Variants in DOT1L observed in about 807,000 individuals in gnomAD.
The protein encoded by DOT1L is DOT1 like histone lysine methyltransferase.
DOT1L carries 33 observed loss-of-function variants against 153.3 expected under a neutral mutation model. The ratio of observed to expected loss-of-function variants is 0.22; its 90% CI spans 0.16 to 0.29. DOT1L has a LOEUF of 0.29. DOT1L is among the 10% of genes least tolerant of loss of function. DOT1L has a pLI of 1.00. For missense variants in DOT1L, 1,847 were observed against 2,119.9 expected (o/e 0.87, Z 2.53); for synonymous variants, 1,135 against 965.1 (o/e 1.18, Z -3.26).
intron 2 of DOT1L, among the ~76,000 whole-genome samples, chr19:2,185,068 T>G (rs1300217078): frequency 2.0e-5 from 3 of 152,142 alleles, no homozygotes; most frequent in Non-Finnish European, 4.4e-5. Context: ...CCAGTGTGTT[T>G]TTGTATTTTG....
intron 8 of DOT1L, among the ~76,000 whole-genome samples, chr19:2,202,474 C>T (rs77521427): frequency 0.01 from 1,540 of 152,348 alleles, 30 homozygotes; most frequent in African/African-American, 0.035. Flanking sequence ...GACTTGGTCA[C>T]GAATCCTGCC....
chr19:2,223,011 T>C (rs935838019), intron 24 of DOT1L: 31 of 509,740 alleles, frequency 6.1e-5, no homozygotes, highest in African/African-American at 5.3e-4. Context: ...CGGAGTGCGA[T>C]GCGCTGCCTG....
chr19:2,212,053 C>G lies in DOT1L; in HGVS notation c.1557+211C>G. On this transcript the variant is annotated intron_variant, in intron 16 of 27. Transcript: ENST00000398665. ...AAACAGCGAAAATGAGACTTTTAATCATGGTTTTGCAAGACCTGGTGTCTG... is the reference window on the plus strand; with the variant it reads ...AAACAGCGAAAATGAGACTTTTAATGATGGTTTTGCAAGACCTGGTGTCTG... 4 of 552,732 alleles carry G rather than the reference C, an allele frequency of 7.2e-6. No homozygotes were observed. The South Asian group carries it at 8.7e-5, about 12-fold the overall frequency. The allele number at this position is 552,732 out of a possible 1,614,324, so 34.2% of individuals were successfully genotyped here.
At position 2,217,061 on chromosome 19, in the gene DOT1L, C is replaced by A; in HGVS notation, c.2515C>A (p.Gln839Lys). ...GCGGCCCCTGTCCCCTGGGGCCTTG[C>A]AGCTTGCTGGAGAGAAGAGCAGTGA... ...DPRPLSPGAL[Q>K]LAGEKSSEKG... The change falls in exon 21 of 28, where the codon CAG becomes AAG. Residue 839 changes from glutamine to lysine, a missense_variant. Around this residue, in one of 8 missense-constraint regions of DOT1L, gnomAD observed 281 missense variants for 263.6 expected, o/e 1.07. Coordinates refer to ENST00000398665, the MANE Select transcript of DOT1L (RefSeq NM_032482.3). This position sits in a 1 kb window ranked among gnomAD's most constrained non-coding sequence, Gnocchi z 7.3. 6.2e-7 allele frequency: 1 copy of A among 1,610,102 alleles called. No individual in the cohort carries two copies. The highest frequency in any genetic ancestry group is 8.5e-7 in the Non-Finnish European group (1 of 1,178,072).
rs771741180 is a variant in DOT1L, at chr19:2,216,263, C to T, written c.1924-18C>T. Reference sequence around the variant, plus strand: ...GTCCCCCGGTGGGGCGGGCCTGACACCATCTCTCCTCCTGCAGATCAGCAT... The same window carrying T: ...GTCCCCCGGTGGGGCGGGCCTGACATCATCTCTCCTCCTGCAGATCAGCAT... On this transcript the variant is annotated intron_variant, in intron 19 of 27. Transcript: ENST00000398665. 6.4e-6 allele frequency: 10 copies of T among 1,551,268 alleles called. No homozygotes were observed. Among genetic ancestry groups the T allele is most frequent in the Non-Finnish European group, 8.7e-6 (10 of 1,143,434 alleles).
In DOT1L at chr19:2,165,229, TG is replaced by T. The variant is rs774344301; in HGVS notation, c.81+970del. 3.3e-5 allele frequency among the ~76,000 whole-genome samples: 5 copies of T among 152,106 alleles called. No homozygotes were observed. The East Asian group carries it at 5.8e-4, about 18-fold the overall frequency. On this transcript the variant is annotated intron_variant, in intron 1 of 27. Transcript: ENST00000398665. Reference sequence around the variant, plus strand: ...GCGAGCGTGTCCGGGGCGCGAGTTTTGGGGGGCGCGTCTGCAGGGCCCGGCC... The same window carrying T: ...GCGAGCGTGTCCGGGGCGCGAGTTTTGGGGGCGCGTCTGCAGGGCCCGGCC...
At chr19:2,221,798 C>T in intron 23 of DOT1L, 178 bp from the exon 24 acceptor site, 1 of 657,052 alleles carries the variant, frequency 1.5e-6, no homozygotes, top group African/African-American at 1.8e-5. Flanking sequence ...GAGCCTTGAG[C>T]TTGCCCACAG....
At chr19:2,210,162 T>C (rs577278430) in intron 12 of DOT1L, among the ~76,000 whole-genome samples, 11 of 152,352 alleles carry the variant, frequency 7.2e-5, no homozygotes, top group Admixed American at 1.3e-4. Flanking sequence ...CATCTGTGAT[T>C]GTGGGAGTGG....
At chr19:2,178,418 T>TC (rs1012817485) in intron 1 of DOT1L, among the ~76,000 whole-genome samples, 1 of 147,158 alleles carries the variant, frequency 6.8e-6, no homozygotes, top group Non-Finnish European at 1.5e-5. Context: ...CTTTGAAATT[T>TC]TTTTTTTTTT....
rs746103469 is a variant in DOT1L at position 2,222,371 on chromosome 19, A to T, written c.3202A>T (p.Thr1068Ser). ...QSPSSKHSPL[T>S]ASARGDCVPS... The stretch of plus-strand genomic sequence containing the variant: ...GCCCTCCAGCAAGCACAGCCCCCTG[A>T]CCGCCAGCGCCCGTGGGGACTGTGT... Residue 1068 changes from threonine (T) to serine (S), a missense_variant, in exon 24 of 28, where the codon ACC becomes TCC. Around this residue, in one of 8 missense-constraint regions of DOT1L, gnomAD observed 934 missense variants for 825.3 expected, o/e 1.13. Transcript: ENST00000398665. The surrounding 1 kb of genome is among the most constrained non-coding windows in gnomAD (Gnocchi z 6.5). 25 of 1,611,646 alleles carry T rather than the reference A, an allele frequency of 1.6e-5. No homozygotes were observed. Among genetic ancestry groups the T allele is most frequent in the Non-Finnish European group, 2.1e-5 (25 of 1,179,498 alleles).
chr19:2,188,900 G>A (rs1013276628), intron 3 of DOT1L, among the ~76,000 whole-genome samples: 1 of 152,188 alleles, frequency 6.6e-6, no homozygotes, highest in Non-Finnish European at 1.5e-5. Flanking sequence ...CGTGGCCGGT[G>A]TTTCTTGTGG....
rs530636374 is a variant in DOT1L, at chr19:2,217,691, G to A, written c.2545-81G>A. Reference sequence around the variant, plus strand: ...GGGCCGCCTTGAGAGAGCTGTAGCAGGCCCCCGTCCTGTGGCTGTGGTCCC... The same window carrying A: ...GGGCCGCCTTGAGAGAGCTGTAGCAAGCCCCCGTCCTGTGGCTGTGGTCCC... On this transcript the variant is annotated intron_variant, in intron 21 of 27. Coordinates refer to ENST00000398665, the MANE Select transcript of DOT1L (RefSeq NM_032482.3). This position sits in a 1 kb window ranked among gnomAD's most constrained non-coding sequence, Gnocchi z 7.3. 1 of 1,521,272 alleles carries A rather than the reference G, an allele frequency of 6.6e-7. No homozygotes were observed. The highest frequency in any genetic ancestry group is 2.5e-5 in the East Asian group (1 of 40,604). 94.2% of individuals were successfully genotyped at this position (1,521,272 alleles called of 1,614,324 possible).
chr19:2,207,784 T>A lies in DOT1L; in HGVS notation c.963+104T>A. On this transcript the variant is annotated intron_variant, in intron 11 of 27. Coordinates refer to ENST00000398665, the MANE Select transcript of DOT1L (RefSeq NM_032482.3). The surrounding 1 kb of genome is among the most constrained non-coding windows in gnomAD (Gnocchi z 4.5). ...TCATGTGGCCTCTGAGACCCTCCCC[T>A]CAGAGCCCTCAACGCCCCCCGGCCC... 9.4e-7 allele frequency: 1 copy of A among 1,065,450 alleles called. No individual in the cohort carries two copies. Among genetic ancestry groups the A allele is most frequent in the Non-Finnish European group, 1.3e-6 (1 of 748,496 alleles). The allele number at this position is 1,065,450 out of a possible 1,614,324, so 66.0% of individuals were successfully genotyped here. A position where few individuals can be genotyped will look rare whatever the true frequency, so the allele number is the denominator to read the frequency against.
At position 2,193,041 on chromosome 19, in the gene DOT1L, A is replaced by G. The variant is rs552302547; in HGVS notation, c.494-648A>G. ...GCACAGAGCTGCCTAGCAGGGGAGGAGAGGTGGCTTGACACCCCCGGTGTG... is the reference window on the plus strand; with the variant it reads ...GCACAGAGCTGCCTAGCAGGGGAGGGGAGGTGGCTTGACACCCCCGGTGTG... On this transcript the variant is annotated intron_variant, in intron 5 of 27. Coordinates refer to ENST00000398665, the MANE Select transcript of DOT1L (RefSeq NM_032482.3). The surrounding 1 kb of genome is among the most constrained non-coding windows in gnomAD (Gnocchi z 5.9). 6.6e-6 allele frequency among the ~76,000 whole-genome samples: 1 copy of G among 152,166 alleles called. No individual in the cohort carries two copies. The highest frequency in any genetic ancestry group is 2.1e-4 in the South Asian group (1 of 4,818).
At chr19:2,214,438 C>A (rs750164439) in intron 18 of DOT1L, 33 bp from the exon 19 acceptor site, 1 of 1,605,158 alleles carries the variant, frequency 6.2e-7, no homozygotes, top group African/African-American at 1.3e-5. Context: ...AGGCAGCCAG[C>A]CAGTCGCAAC....
chr19:2,211,748 C>T lies in DOT1L; in HGVS notation c.1466-3C>T, dbSNP rs566181536. The T allele has an allele frequency of 2.3e-5, 36 of 1,559,842 alleles. No homozygotes were observed. In the East Asian group the frequency reaches 7.6e-4, roughly 33 times the overall value. ...CTCACCTGTGTTCCGCCTCTCTTCCCAGAGTCCTTCAAGATCCAGTACCTG... is the reference window on the plus strand; with the variant it reads ...CTCACCTGTGTTCCGCCTCTCTTCCTAGAGTCCTTCAAGATCCAGTACCTG... On this transcript the variant is annotated splice_region_variant and splice_polypyrimidine_tract_variant and intron_variant, in intron 15 of 27. Coordinates refer to ENST00000398665, the MANE Select transcript of DOT1L (RefSeq NM_032482.3).
At position 2,222,015 on chromosome 19, in the gene DOT1L, T is replaced by G. The variant is rs767316099; in HGVS notation, c.2846T>G (p.Leu949Trp). 4 of 1,611,626 alleles carry G rather than the reference T, an allele frequency of 2.5e-6. No individual in the cohort carries two copies. In the Admixed American group the frequency reaches 5.0e-5, roughly 20 times the overall value. Reference sequence around the variant, plus strand: ...GGCTCGGTGGCCATCAGCGGGGCCTTGGCGGGCAGCCCGGCCTCTCTCACA... The same window carrying G: ...GGCTCGGTGGCCATCAGCGGGGCCTGGGCGGGCAGCCCGGCCTCTCTCACA... ...YAGSVAISGA[L>W]AGSPASLTPG... The change falls in exon 24 of 28, where the codon TTG becomes TGG. Residue 949 changes from leucine (L) to tryptophan (W), a missense_variant. Around this residue, in one of 8 missense-constraint regions of DOT1L, gnomAD observed 68 missense variants for 80.7 expected, o/e 0.84. Transcript: ENST00000398665. The surrounding 1 kb of genome is among the most constrained non-coding windows in gnomAD (Gnocchi z 6.5).
In DOT1L at chr19:2,191,879, C is replaced by A. The variant is rs895613313; in HGVS notation, c.493+639C>A. 1.3e-5 allele frequency among the ~76,000 whole-genome samples: 2 copies of A among 152,192 alleles called. No individual in the cohort carries two copies. Among genetic ancestry groups the A allele is most frequent in the African/African-American group, 4.8e-5 (2 of 41,438 alleles). ...TCTCCTCTCAACCACGGGCGGGGCT[C>A]CTTGAAACGAGGCCCTAGGTGTGTC... On this transcript the variant is annotated intron_variant, in intron 5 of 27. Transcript: ENST00000398665. The surrounding 1 kb of genome is among the most constrained non-coding windows in gnomAD (Gnocchi z 6.8).
chr19:2,223,548 C>CTG (rs895630801), intron 25 of DOT1L, 62 bp downstream of exon 25: 31 of 361,592 alleles, frequency 8.6e-5, no homozygotes, highest in East Asian at 1.1e-4. Context: ...TGCCTGCTCA[C>CTG]TGTGTGTGTG....
Sources: allele counts gnomAD v4.1 joint callset (sites outside exome capture counted in the v4.1 genomes callset), GRCh38; gene constraint gnomAD v4.1.1; regional missense constraint gnomAD v4.1.1; non-coding constraint Gnocchi (gnomAD v3.1); transcripts MANE v1.5; gene names NCBI Gene and HGNC (gene_info 2026-07-23, HGNC 2026-07-21).